Variants in THSD7B observed in about 807,000 individuals in gnomAD.
THSD7B encodes thrombospondin type 1 domain containing 7B, also known as thrombospondin type-1 domain-containing protein 7B.
A neutral mutation model predicts 213.6 loss-of-function variants in THSD7B; 138 were observed. The observed-to-expected ratio is 0.65, with a 90% CI of 0.56 to 0.74. The LOEUF is 0.74. Ranked by LOEUF, THSD7B falls within the 30% of genes least tolerant of loss-of-function variation. THSD7B has a pLI of 0.00. For missense variants in THSD7B, 1,931 were observed against 1,991.5 expected (o/e 0.97, Z 0.58); for synonymous variants, 742 against 687.0 (o/e 1.08, Z -1.25).
At chr2:137,228,683 T>G (rs2105052091) in intron 7 of THSD7B, among the ~76,000 whole-genome samples, 1 of 152,292 alleles carries the variant, frequency 6.6e-6, no homozygotes, top group South Asian at 2.1e-4. Context: ...GCCCTTTTAT[T>G]TCCATTATTG....
At chr2:137,604,043 G>A (rs1682124234) in intron 17 of THSD7B, among the ~76,000 whole-genome samples, 2 of 151,988 alleles carry the variant, frequency 1.3e-5, no homozygotes, top group African/African-American at 2.4e-5. Context: ...CCTGGGAGGT[G>A]GAGATTGCGC....
intron 5 of THSD7B, among the ~76,000 whole-genome samples, chr2:137,138,326 A>G (rs926667545): frequency 6.6e-6 from 1 of 152,160 alleles, no homozygotes; most frequent in Non-Finnish European, 1.5e-5. Context: ...AATAGATTGT[A>G]CCACTTTATG....
At chr2:136,769,842 A>T (rs935045536) in intron 1 of THSD7B, among the ~76,000 whole-genome samples, 7 of 152,226 alleles carry the variant, frequency 4.6e-5, no homozygotes, top group African/African-American at 1.7e-4. Context: ...CTGCATGAAT[A>T]AAAAAGGCTA....
At chr2:137,494,511 A>G (rs1247544457) in intron 15 of THSD7B, among the ~76,000 whole-genome samples, 2 of 152,152 alleles carry the variant, frequency 1.3e-5, no homozygotes, top group Non-Finnish European at 2.9e-5. Flanking sequence ...CATGTGACAC[A>G]TGGATATTTC....
intron 5 of THSD7B, among the ~76,000 whole-genome samples, chr2:137,138,686 G>A (rs1222806254): frequency 6.6e-6 from 1 of 152,072 alleles, no homozygotes; most frequent in Non-Finnish European, 1.5e-5. Flanking sequence ...TCTCTCCTGA[G>A]CAACCCACCA....
At chr2:137,486,368 TTA>T (rs1230160108) in intron 15 of THSD7B, among the ~76,000 whole-genome samples, 11 of 148,804 alleles carry the variant, frequency 7.4e-5, no homozygotes, top group Non-Finnish European at 1.0e-4. Flanking sequence ...AAAACAGACT[TTA>T]AACCAACAAA....
In THSD7B at chr2:137,396,364, T is replaced by G. The variant is rs1221415944; in HGVS notation, c.2501-9249T>G. Among the ~76,000 whole-genome samples the G allele has an allele frequency of 1.1e-3, 153 of 144,328 alleles. 1 individual carries two copies. The highest frequency in any genetic ancestry group is 3.5e-3 in the African/African-American group (139 of 39,668). The allele number at this position is 144,328 out of a possible 152,430, so 94.7% of individuals were successfully genotyped here. ...GTCCCAGAGATTCTGGTATGTTGTG[T>G]CTTTGTTCTCATTGGTTTCAAAGAA... On this transcript the variant is annotated intron_variant, in intron 12 of 27. Coordinates refer to ENST00000409968, the MANE Select transcript of THSD7B (RefSeq NM_001316349.2).
At chr2:137,582,727 T>C (rs1162072592) in intron 17 of THSD7B, among the ~76,000 whole-genome samples, 2 of 152,164 alleles carry the variant, frequency 1.3e-5, no homozygotes, top group Non-Finnish European at 2.9e-5. Flanking sequence ...ATTTTCTTAA[T>C]CCAGTCTATC....
At chr2:137,348,703 C>CTTTTTTTTT (rs80150345) in intron 12 of THSD7B, among the ~76,000 whole-genome samples, 32 of 110,932 alleles carry the variant, frequency 2.9e-4, no homozygotes, top group Non-Finnish European at 4.4e-4. Flanking sequence ...CTATGAACTC[C>CTTTTTTTTT]TTTTTTTTTT....
intron 9 of THSD7B, among the ~76,000 whole-genome samples, chr2:137,237,399 C>G (rs1012396454): frequency 6.6e-6 from 1 of 152,206 alleles, no homozygotes; most frequent in Non-Finnish European, 1.5e-5. Flanking sequence ...AGAAATAAGT[C>G]TAATATTCCC....
intron 2 of THSD7B, among the ~76,000 whole-genome samples, chr2:137,038,215 G>A (rs564079478): frequency 9.9e-5 from 15 of 152,230 alleles, no homozygotes; most frequent in East Asian, 3.9e-4. Context: ...GGTTTTTGAC[G>A]TTCTAGGAGT....
intron 2 of THSD7B, among the ~76,000 whole-genome samples, chr2:136,960,305 T>A (rs1685194665): frequency 1.3e-5 from 2 of 151,968 alleles, no homozygotes; most frequent in African/African-American, 4.8e-5. Context: ...TTATTATTAT[T>A]ATTTTGTATT....
chr2:137,159,225 G>A (rs10201921), intron 5 of THSD7B, among the ~76,000 whole-genome samples: 19,518 of 151,820 alleles, frequency 0.13, 1,920 homozygotes, highest in African/African-American at 0.27. Flanking sequence ...TGAGCCCAGG[G>A]GTCTCAGAAC....
chr2:137,157,116 T>C (rs894060941), intron 5 of THSD7B, among the ~76,000 whole-genome samples: 1 of 152,230 alleles, frequency 6.6e-6, no homozygotes, highest in South Asian at 2.1e-4. Flanking sequence ...ACAAATGGTG[T>C]GATGCAGGTC....
chr2:136,971,815 T>G (rs1573741801), intron 2 of THSD7B, among the ~76,000 whole-genome samples: 1 of 152,078 alleles, frequency 6.6e-6, no homozygotes, highest in Non-Finnish European at 1.5e-5. Flanking sequence ...ATTTTATATC[T>G]CTCATAATAA....
chr2:137,258,217 T>C (rs1682351659), intron 10 of THSD7B, among the ~76,000 whole-genome samples: 1 of 152,216 alleles, frequency 6.6e-6, no homozygotes, highest in African/African-American at 2.4e-5. Flanking sequence ...TTTTATTTTT[T>C]ATGTTTTGAA....
At chr2:137,020,083 C>T (rs2104842441) in intron 2 of THSD7B, among the ~76,000 whole-genome samples, 1 of 152,302 alleles carries the variant, frequency 6.6e-6, no homozygotes, top group Non-Finnish European at 1.5e-5. Context: ...GTTATTATAA[C>T]TAGCTATGGA....
intron 12 of THSD7B, among the ~76,000 whole-genome samples, chr2:137,343,047 A>G (rs1684797063): frequency 6.6e-6 from 1 of 151,070 alleles, no homozygotes; most frequent in African/African-American, 2.4e-5. Context: ...GCCACATAAA[A>G]AGAATTTCGA....
At position 137,233,136 on chromosome 2, in the gene THSD7B, A is replaced by G. The variant is rs766912968; in HGVS notation, c.2150+3A>G. 10 of 1,610,220 alleles carry G rather than the reference A, an allele frequency of 6.2e-6. No homozygotes were observed. Among genetic ancestry groups the G allele is most frequent in the Non-Finnish European group, 8.5e-6 (10 of 1,177,630 alleles). On this transcript the variant is annotated splice_donor_region_variant and intron_variant, in intron 9 of 27. Coordinates refer to ENST00000409968, the MANE Select transcript of THSD7B (RefSeq NM_001316349.2). ...GTGGGACAAGTAATGACCAAAAGGT[A>G]TTTATTAGGCTGTTACTGAAAATGC...
Sources: allele counts gnomAD v4.1 joint callset (sites outside exome capture counted in the v4.1 genomes callset), GRCh38; gene constraint gnomAD v4.1.1; transcripts MANE v1.5; gene names NCBI Gene and HGNC (gene_info 2026-07-23, HGNC 2026-07-21).